The following PCDHA13 variants were observed in gnomAD, a reference collection of about 807,000 sequenced individuals.
The protein encoded by PCDHA13 is protocadherin alpha-13.
PCDHA13 carries 54 observed loss-of-function variants against 64.8 expected under a neutral mutation model. That is an observed-to-expected ratio of 0.83 (90% confidence interval 0.67 to 1.04). The LOEUF (loss-of-function observed/expected upper bound fraction) is 1.04. Ranked by LOEUF, PCDHA13 falls within the 50% of genes least tolerant of loss-of-function variation. PCDHA13 has a pLI of 0.00. For synonymous variants in PCDHA13, 587 were observed against 564.4 expected (o/e 1.04, Z -0.57); for missense variants, 1,248 against 1,254.3 (o/e 0.99, Z 0.08).
In PCDHA13 at chr5:141,010,093, T is replaced by A. The variant is rs2098416026; in HGVS notation, c.*156T>A. On this transcript the variant is annotated 3_prime_UTR_variant, in exon 4 of 4. Transcript: ENST00000289272. The stretch of plus-strand genomic sequence containing the variant: ...TTCCCTGTGTCTGTCTAGAACGCAT[T>A]TAACAGGTTTTGTCGTAAAAGCTTT... 4 of 1,612,692 alleles carry A rather than the reference T, an allele frequency of 2.5e-6. No homozygotes were observed. Among genetic ancestry groups the A allele is most frequent in the Non-Finnish European group, 3.4e-6 (4 of 1,179,392 alleles).
At chr5:140,927,146 A>T (rs2083897470) in intron 1 of PCDHA13, 1 of 1,614,156 alleles carries the variant, frequency 6.2e-7, no homozygotes, top group East Asian at 2.2e-5. Context: ...GACCGCGAAC[A>T]GCTGTGCAGG....
chr5:140,952,615 C>T (rs572552032), intron 1 of PCDHA13, among the ~76,000 whole-genome samples: 1 of 152,288 alleles, frequency 6.6e-6, no homozygotes, highest in East Asian at 1.9e-4. Context: ...TCTCCCTCAT[C>T]TTCCCTCCAC....
rs78283049 is a variant in PCDHA13 at position 140,938,200 on chromosome 5, C to G, written c.2395-40749C>G. 2.3e-3 allele frequency among the ~76,000 whole-genome samples: 352 copies of G among 152,306 alleles called. 1 individual carries two copies. The highest frequency in any genetic ancestry group is 8.1e-3 in the African/African-American group (335 of 41,568). On this transcript the variant is annotated intron_variant, in intron 1 of 3. Coordinates refer to ENST00000289272, the MANE Select transcript of PCDHA13 (RefSeq NM_018904.3). ...GGCTCAAGCAATCCTCCCACGCCAG[C>G]CTCCCAAAGTGCTGGGATTACAGGC... is the stretch of plus-strand genomic sequence containing the variant.
chr5:140,982,331 G>A lies in PCDHA13; in HGVS notation c.2454-144G>A, dbSNP rs1422921231. On this transcript the variant is annotated intron_variant, in intron 2 of 3. Coordinates refer to ENST00000289272, the MANE Select transcript of PCDHA13 (RefSeq NM_018904.3). ...GCAGTTTATGCAGGGTGACTGCTCA[G>A]CAGTAATTGCTTCAGTTCAAGCATG... The A allele has an allele frequency of 6.3e-6, 9 of 1,431,750 alleles. No individual in the cohort carries two copies. In the Admixed American group the frequency reaches 1.6e-4, roughly 26 times the overall value. 88.7% of individuals were successfully genotyped at this position (1,431,750 alleles called of 1,614,324 possible).
chr5:140,928,252 G>A (rs1377533547), intron 1 of PCDHA13: 3 of 1,614,206 alleles, frequency 1.9e-6, no homozygotes, highest in East Asian at 2.2e-5. Flanking sequence ...GGAACTTTTC[G>A]TTGCTGAAAA....
intron 1 of PCDHA13, chr5:140,968,708 A>G: frequency 1.2e-6 from 2 of 1,614,126 alleles, no homozygotes; most frequent in Non-Finnish European, 1.7e-6. Flanking sequence ...TACCAGGAAG[A>G]TGGGAGATGA....
intron 1 of PCDHA13, among the ~76,000 whole-genome samples, chr5:140,950,807 A>G (rs2094520743): frequency 6.6e-6 from 1 of 152,104 alleles, no homozygotes; most frequent in African/African-American, 2.4e-5. Context: ...TGGTTTTACC[A>G]TAGTAGGGTT....
At chr5:140,992,805 A>G (rs2097529327) in intron 3 of PCDHA13, among the ~76,000 whole-genome samples, 1 of 152,078 alleles carries the variant, frequency 6.6e-6, no homozygotes, top group Non-Finnish European at 1.5e-5. Flanking sequence ...ATCCATATGT[A>G]TCTAAGGATG....
Position 140,883,483 on chromosome 5 carries a change from C to A in PCDHA13, c.1215C>A (p.Tyr405Ter). The change falls in exon 1 of 4, where the codon TAC becomes TAA. Residue 405 changes from tyrosine (Y) to a stop codon, truncating the protein, a stop_gained. Transcript: ENST00000289272. LOFTEE classifies it high-confidence loss of function. Reference protein sequence around the residue: ...FKLVSTYKNYYSLVLDSALDR... With the variant: ...FKLVSTYKNY ...TGGTGTCCACCTACAAGAACTACTA[C>A]TCATTAGTGCTGGACAGCGCCCTGG... 6.2e-7 allele frequency: 1 copy of A among 1,614,196 alleles called. No individual in the cohort carries two copies. The highest frequency in any genetic ancestry group is 1.3e-5 in the African/African-American group (1 of 75,060).
At position 140,885,065 on chromosome 5, in the gene PCDHA13, T is replaced by TA. The variant is rs1440762512; in HGVS notation, c.2394+404dup. ...TTAATGTATACATATACCCACAAGATATTATTTTAAAGAGCCCCATAACTT... is the reference window on the plus strand; with the variant it reads ...TTAATGTATACATATACCCACAAGATAATTATTTTAAAGAGCCCCATAACTT... On this transcript the variant is annotated intron_variant, in intron 1 of 3. Coordinates refer to ENST00000289272, the MANE Select transcript of PCDHA13 (RefSeq NM_018904.3). Among the ~76,000 whole-genome samples the TA allele has an allele frequency of 7.2e-5, 11 of 152,294 alleles. 1 individual carries two copies. Among genetic ancestry groups the TA allele is most frequent in the African/African-American group, 2.6e-4 (11 of 41,580 alleles).
intron 1 of PCDHA13, chr5:140,969,187 G>A (rs1469342094): frequency 1.2e-6 from 2 of 1,614,106 alleles, no homozygotes; most frequent in Non-Finnish European, 8.5e-7. Context: ...ACACTTTCAT[G>A]TTTTACAATA....
At chr5:140,917,330 AG>A (rs1425400137) in intron 1 of PCDHA13, among the ~76,000 whole-genome samples, 1,705 of 103,254 alleles carry the variant, frequency 0.017, 125 homozygotes, top group African/African-American at 0.055. Context: ...GTGGCGGGGG[AG>A]GGGGGGGATG....
At chr5:140,990,507 T>C (rs1554251511) in intron 3 of PCDHA13, among the ~76,000 whole-genome samples, 1 of 152,158 alleles carries the variant, frequency 6.6e-6, no homozygotes, top group East Asian at 1.9e-4. Context: ...CCCCAAGTCT[T>C]CTCTCTTGTC....
At chr5:140,901,128 A>G (rs1429296842) in intron 1 of PCDHA13, among the ~76,000 whole-genome samples, 3 of 152,114 alleles carry the variant, frequency 2.0e-5, no homozygotes, top group South Asian at 2.1e-4. Flanking sequence ...TTAGATGGGT[A>G]GATTGTAAAT....
intron 3 of PCDHA13, among the ~76,000 whole-genome samples, chr5:140,990,850 T>C (rs528860965): frequency 3.3e-5 from 5 of 152,312 alleles, no homozygotes; most frequent in African/African-American, 1.2e-4. Context: ...AATAGAGCCC[T>C]GAGGACATTG....
At chr5:140,970,585 T>G (rs1554232585) in intron 1 of PCDHA13, among the ~76,000 whole-genome samples, 2 of 152,244 alleles carry the variant, frequency 1.3e-5, no homozygotes, top group Non-Finnish European at 2.9e-5. Context: ...ATAACAGAGA[T>G]ATGCTTTGTG....
At chr5:140,918,302 G>A (rs1382712359) in intron 1 of PCDHA13, among the ~76,000 whole-genome samples, 1 of 152,048 alleles carries the variant, frequency 6.6e-6, no homozygotes, top group African/African-American at 2.4e-5. Context: ...GAGAATATAG[G>A]GTTTTCTAGG....
intron 1 of PCDHA13, chr5:140,927,766 G>A: frequency 1.2e-6 from 2 of 1,614,234 alleles, no homozygotes; most frequent in Non-Finnish European, 1.7e-6. Context: ...TAAAAGTGGG[G>A]AGGTGCAAGT....
chr5:140,995,434 A>G (rs146744164), intron 3 of PCDHA13, among the ~76,000 whole-genome samples: 4 of 152,320 alleles, frequency 2.6e-5, no homozygotes, highest in African/African-American at 7.2e-5. Context: ...ACAGCTTGCA[A>G]TTTAAAACTT....
Sources: allele counts gnomAD v4.1 joint callset (sites outside exome capture counted in the v4.1 genomes callset), GRCh38; gene constraint gnomAD v4.1.1; transcripts MANE v1.5; gene names NCBI Gene and HGNC (gene_info 2026-07-23, HGNC 2026-07-21).